Variants in VPS13D observed in about 807,000 individuals in gnomAD.
VPS13D encodes the protein intermembrane lipid transfer protein VPS13D.
In VPS13D, 187 loss-of-function variants were observed where a neutral mutation model predicts 461.9. That is an observed-to-expected ratio of 0.40 (90% CI 0.36 to 0.46). The LOEUF (loss-of-function observed/expected upper bound fraction) is 0.46. VPS13D is among the 20% of genes least tolerant of loss of function. VPS13D has a pLI of 0.60. For synonymous variants in VPS13D, 1,951 were observed against 1,986.3 expected (o/e 0.98, Z 0.47); for missense variants, 4,711 against 5,364.9 (o/e 0.88, Z 3.81).
intron 5 of VPS13D, among the ~76,000 whole-genome samples, chr1:12,245,928 C>T (rs777784390): frequency 1.2e-4 from 18 of 152,178 alleles, no homozygotes; most frequent in Admixed American, 3.9e-4. Flanking sequence ...TAGCATGTGT[C>T]AGCACTTTAT....
At chr1:12,447,197 A>G (rs1162333133) in intron 65 of VPS13D, among the ~76,000 whole-genome samples, 1 of 152,120 alleles carries the variant, frequency 6.6e-6, no homozygotes, top group Non-Finnish European at 1.5e-5. Context: ...TATGCCTGAT[A>G]TCTCTGTATA....
intron 65 of VPS13D, among the ~76,000 whole-genome samples, chr1:12,449,795 A>G (rs1645238574): frequency 6.6e-6 from 1 of 152,182 alleles, no homozygotes; most frequent in Admixed American, 6.5e-5. Context: ...GCTACACCAA[A>G]CATTTTGCAT....
chr1:12,367,158 T>C (rs1644046991), intron 52 of VPS13D, among the ~76,000 whole-genome samples: 1 of 152,250 alleles, frequency 6.6e-6, no homozygotes, highest in Non-Finnish European at 1.5e-5. Flanking sequence ...CCATTTTGTC[T>C]TTAGTGACAT....
chr1:12,447,216 T>C (rs2100364505), intron 65 of VPS13D, among the ~76,000 whole-genome samples: 1 of 152,344 alleles, frequency 6.6e-6, no homozygotes, highest in South Asian at 2.1e-4. Flanking sequence ...TAATTTTCAC[T>C]GGCATTTAGG....
At chr1:12,317,239 AT>A (rs1313072486) in intron 30 of VPS13D, among the ~76,000 whole-genome samples, 2 of 152,148 alleles carry the variant, frequency 1.3e-5, no homozygotes, top group African/African-American at 4.8e-5. Context: ...AGAAAGTGAC[AT>A]TTATCAAATG....
At chr1:12,295,266 T>C (rs1642245549) in intron 24 of VPS13D, among the ~76,000 whole-genome samples, 2 of 150,834 alleles carry the variant, frequency 1.3e-5, no homozygotes, top group Admixed American at 1.3e-4. Context: ...TAAAAGATTA[T>C]AATTTAATAA....
chr1:12,398,794 A>G (rs1167402041), intron 60 of VPS13D, among the ~76,000 whole-genome samples: 1 of 152,210 alleles, frequency 6.6e-6, no homozygotes, highest in Admixed American at 6.5e-5. Flanking sequence ...TTTGGTAGCC[A>G]TTTGAGCTCC....
chr1:12,437,320 AG>A (rs1348474667), intron 65 of VPS13D, among the ~76,000 whole-genome samples: 1 of 152,192 alleles, frequency 6.6e-6, no homozygotes, highest in African/African-American at 2.4e-5. Context: ...TCCTTGTGAA[AG>A]GAAAAGGCCT....
chr1:12,416,076 G>T (rs1044735731), intron 64 of VPS13D, among the ~76,000 whole-genome samples: 1 of 152,140 alleles, frequency 6.6e-6, no homozygotes, highest in African/African-American at 2.4e-5. Flanking sequence ...TCCCAGCTAC[G>T]GGAGGCTGAG....
chr1:12,470,676 G>C (rs1645551761), intron 67 of VPS13D, among the ~76,000 whole-genome samples: 1 of 152,144 alleles, frequency 6.6e-6, no homozygotes, highest in Non-Finnish European at 1.5e-5. Context: ...TCACCAAGCT[G>C]TTTGGTTTGT....
chr1:12,308,389 T>G, intron 26 of VPS13D, 42 bp from the exon 27 acceptor site: 1 of 1,606,630 alleles, frequency 6.2e-7, no homozygotes, highest in Non-Finnish European at 8.5e-7. Flanking sequence ...CCTTTTTGGG[T>G]CCCCTTTTCT....
At chr1:12,306,575 A>G (rs1043956446) in intron 26 of VPS13D, among the ~76,000 whole-genome samples, 3 of 152,172 alleles carry the variant, frequency 2.0e-5, no homozygotes, top group Non-Finnish European at 4.4e-5. Flanking sequence ...TTAACAGTAT[A>G]TCTCCTACTG....
At chr1:12,248,649 A>G (rs1640636193) in intron 5 of VPS13D, among the ~76,000 whole-genome samples, 1 of 152,208 alleles carries the variant, frequency 6.6e-6, no homozygotes, top group Non-Finnish European at 1.5e-5. Flanking sequence ...TCAACCTGTT[A>G]TTATTTTTTA....
intron 65 of VPS13D, among the ~76,000 whole-genome samples, chr1:12,431,965 CAT>C (rs1485865291): frequency 2.0e-5 from 3 of 152,160 alleles, no homozygotes; most frequent in Non-Finnish European, 4.4e-5. Flanking sequence ...TTAATAGACA[CAT>C]AGTCTTTGGG....
intron 63 of VPS13D, among the ~76,000 whole-genome samples, chr1:12,414,450 C>T (rs1159817647): frequency 6.6e-6 from 1 of 152,168 alleles, no homozygotes; most frequent in Non-Finnish European, 1.5e-5. Flanking sequence ...TAACAAACTA[C>T]AGCTATATGC....
chr1:12,331,849 A>G (rs1402635139), intron 37 of VPS13D, among the ~76,000 whole-genome samples: 1 of 152,148 alleles, frequency 6.6e-6, no homozygotes, highest in Non-Finnish European at 1.5e-5. Context: ...AGTTGTATGA[A>G]CACATTCAGG....
chr1:12,370,656 CTTG>C (rs1233953008), intron 54 of VPS13D, among the ~76,000 whole-genome samples: 1 of 152,176 alleles, frequency 6.6e-6, no homozygotes, highest in African/African-American at 2.4e-5. Context: ...GGATGTTTAT[CTTG>C]TTGTAATTGA....
intron 67 of VPS13D, among the ~76,000 whole-genome samples, chr1:12,477,688 C>G (rs999323419): frequency 2.0e-5 from 3 of 152,268 alleles, no homozygotes. Context: ...CTATTTGATT[C>G]CATAAGACTA....
intron 60 of VPS13D, among the ~76,000 whole-genome samples, chr1:12,399,062 G>A (rs1644537514): frequency 1.3e-5 from 2 of 152,234 alleles, no homozygotes; most frequent in South Asian, 4.1e-4. Flanking sequence ...CAGGTATGAT[G>A]TGACTTGGGA....
Sources: allele counts gnomAD v4.1 joint callset (sites outside exome capture counted in the v4.1 genomes callset), GRCh38; gene constraint gnomAD v4.1.1; transcripts MANE v1.5; gene names NCBI Gene and HGNC (gene_info 2026-07-23, HGNC 2026-07-21).